Variants in RIMS2 observed in about 807,000 individuals in gnomAD.
RIMS2 encodes regulating synaptic membrane exocytosis 2.
RIMS2 carries 59 observed loss-of-function variants against 174.4 expected under a neutral mutation model. That is an observed-to-expected ratio of 0.34 (90% CI 0.27 to 0.42). The LOEUF is 0.42. Among genes scored for constraint, RIMS2 ranks in the 10% least tolerant of loss-of-function variants. RIMS2 has a pLI of 1.00. For missense variants in RIMS2, 1,620 were observed against 1,666.3 expected (o/e 0.97, Z 0.48); for synonymous variants, 606 against 572.5 (o/e 1.06, Z -0.84).
chr8:103,886,049 A>G (rs201466149), exon 4 of RIMS2: 1 of 1,613,054 alleles, frequency 6.2e-7, no homozygotes, highest in African/African-American at 1.3e-5. Context: ...TGATTCTCTC[A>G]GTTCAGACCA....
chr8:103,695,573 T>C (rs190196064), intron 1 of RIMS2, among the ~76,000 whole-genome samples: 5 of 152,056 alleles, frequency 3.3e-5, no homozygotes, highest in South Asian at 4.1e-4. Context: ...TTAAGTTCCA[T>C]GCAGTGAAGG....
intron 3 of RIMS2, among the ~76,000 whole-genome samples, chr8:103,865,188 T>C (rs2099078562): frequency 6.6e-6 from 1 of 151,466 alleles, no homozygotes; most frequent in South Asian, 2.1e-4. Flanking sequence ...AAATACAAAG[T>C]CTCATGAATT....
chr8:103,762,805 G>T (rs2140161736), intron 2 of RIMS2, among the ~76,000 whole-genome samples: 1 of 152,184 alleles, frequency 6.6e-6, no homozygotes, highest in Non-Finnish European at 1.5e-5. Context: ...ACACACCTAG[G>T]CTAGATGATA....
At chr8:103,768,494 C>T (rs1038272075) in intron 3 of RIMS2, 31 of 932,816 alleles carry the variant, frequency 3.3e-5, no homozygotes, top group Admixed American at 1.4e-4. Flanking sequence ...GATTCATGGC[C>T]GTGTCCGCCT....
rs376518754 is a variant in RIMS2 at position 103,726,426 on chromosome 8, G to C, written c.387+29130G>C. On this transcript the variant is annotated intron_variant, in intron 2 of 23. Coordinates refer to ENST00000504942, the Ensembl canonical transcript of RIMS2. ...TTATTAACTTTTTCTTTTATGGTTA[G>C]TGCTTTTTGTAACCTAAGAAATCTT... 1.4e-4 allele frequency among the ~76,000 whole-genome samples: 22 copies of C among 152,126 alleles called. No individual in the cohort carries two copies. In the East Asian group the frequency reaches 2.7e-3, roughly 19 times the overall value.
At chr8:103,745,163 G>C (rs1289395929) in intron 2 of RIMS2, among the ~76,000 whole-genome samples, 1 of 152,094 alleles carries the variant, frequency 6.6e-6, no homozygotes, top group Admixed American at 6.5e-5. Context: ...AAAAACCCCT[G>C]TACCCATTAG....
At chr8:104,055,510 T>A (rs933409956) in intron 19 of RIMS2, among the ~76,000 whole-genome samples, 1 of 152,194 alleles carries the variant, frequency 6.6e-6, no homozygotes, top group Admixed American at 6.5e-5. Flanking sequence ...TTGTATCTTC[T>A]ATAAACAATT....
intron 3 of RIMS2, among the ~76,000 whole-genome samples, chr8:103,883,590 T>C (rs1594507356): frequency 6.6e-6 from 1 of 152,014 alleles, no homozygotes; most frequent in Non-Finnish European, 1.5e-5. Context: ...TAAATGTAAA[T>C]GCTAAAAAAT....
At chr8:103,868,197 A>G (rs1279043134) in intron 3 of RIMS2, among the ~76,000 whole-genome samples, 2 of 152,018 alleles carry the variant, frequency 1.3e-5, no homozygotes, top group Non-Finnish European at 2.9e-5. Context: ...GGTTAACTAG[A>G]TAAGGTTCTA....
At chr8:104,029,670 T>A (rs1318022698) in intron 19 of RIMS2, among the ~76,000 whole-genome samples, 1 of 152,094 alleles carries the variant, frequency 6.6e-6, no homozygotes, top group Non-Finnish European at 1.5e-5. Context: ...ACAGATAGGC[T>A]GACTATTTTT....
intron 1 of RIMS2, among the ~76,000 whole-genome samples, chr8:103,664,485 C>G (rs139776010): frequency 5.9e-4 from 90 of 152,274 alleles, no homozygotes; most frequent in African/African-American, 2.1e-3. Flanking sequence ...ACAGACACTT[C>G]TCAAAAGAAG....
chr8:104,163,582 T>C lies in RIMS2; in HGVS notation c.3335-81334T>C, dbSNP rs867586233. On this transcript the variant is annotated intron_variant, in intron 19 of 23. Coordinates refer to ENST00000504942, the Ensembl canonical transcript of RIMS2. ...CAACCGTGTAGGATCTGAATTTGTA[T>C]ACTGTGCATACAATGAGGAAGAGAG... Among the ~76,000 whole-genome samples the C allele has an allele frequency of 5.9e-5, 9 of 152,212 alleles. No individual in the cohort carries two copies. In the South Asian group the frequency reaches 1.9e-3, roughly 31 times the overall value.
At chr8:103,868,837 A>G (rs2099096021) in intron 3 of RIMS2, among the ~76,000 whole-genome samples, 1 of 152,162 alleles carries the variant, frequency 6.6e-6, no homozygotes, top group African/African-American at 2.4e-5. Context: ...AAATAGCTAC[A>G]AATGTAGTCC....
At chr8:103,561,257 T>C (rs936241424) in intron 1 of RIMS2, among the ~76,000 whole-genome samples, 1 of 152,172 alleles carries the variant, frequency 6.6e-6, no homozygotes. Context: ...CTTTTTATTT[T>C]AGATAATTTT....
intron 2 of RIMS2, among the ~76,000 whole-genome samples, chr8:103,727,128 TTG>T (rs1158596744): frequency 2.6e-5 from 4 of 152,058 alleles, no homozygotes; most frequent in South Asian, 2.1e-4. Flanking sequence ...ATAGATTTTT[TTG>T]TGTTATTAAT....
chr8:103,562,710 G>A (rs1478509329), intron 1 of RIMS2, among the ~76,000 whole-genome samples: 1 of 152,170 alleles, frequency 6.6e-6, no homozygotes, highest in Admixed American at 6.5e-5. Context: ...GACACTGTGT[G>A]GAGACTCCGA....
chr8:104,031,823 T>C (rs1194736141), intron 19 of RIMS2, among the ~76,000 whole-genome samples: 2 of 152,148 alleles, frequency 1.3e-5, no homozygotes, highest in Non-Finnish European at 2.9e-5. Flanking sequence ...GCATTGCATT[T>C]CATGCTTTTT....
intron 16 of RIMS2, among the ~76,000 whole-genome samples, chr8:103,985,459 G>T (rs2094277904): frequency 1.6e-5 from 1 of 62,564 alleles, no homozygotes. Context: ...GGGCAACAAA[G>T]CAAGACTCTG....
intron 1 of RIMS2, among the ~76,000 whole-genome samples, chr8:103,512,441 GTC>G (rs895046915): frequency 1.3e-5 from 2 of 152,100 alleles, no homozygotes; most frequent in African/African-American, 4.8e-5. Flanking sequence ...ATCTCTTTGG[GTC>G]TCTACTCCAT....
Sources: gnomAD v4.1 joint callset for allele counts (sites outside exome capture counted in the v4.1 genomes callset) on GRCh38, gnomAD v4.1.1 for gene constraint, MANE v1.5 for transcripts, NCBI Gene and HGNC (gene_info 2026-07-23, HGNC 2026-07-21) for gene names.